Variants in SCRT1 observed in about 807,000 individuals in gnomAD.
SCRT1 encodes the protein transcriptional repressor scratch 1.
In SCRT1, 1 loss-of-function variant was observed where a neutral mutation model predicts 3.4. The ratio of observed to expected loss-of-function variants is 0.29; its 90% CI spans 0.10 to 1.39. The LOEUF (loss-of-function observed/expected upper bound fraction) is 1.39. Among genes scored for constraint, SCRT1 ranks in the 40% most tolerant of loss-of-function variants. The pLI is 0.42. For missense variants in SCRT1, 380 were observed against 526.3 expected, an observed-to-expected ratio of 0.72 and a Z score of 2.72; for synonymous variants, 238 against 247.0, an observed-to-expected ratio of 0.96 and a Z score of 0.34.
chr8:144,333,398 G>A lies in SCRT1; in HGVS notation c.834C>T (p.Cys278=). 2 of 1,606,396 alleles carry A rather than the reference G, an allele frequency of 1.2e-6. No homozygotes were observed. The highest frequency in any genetic ancestry group is 2.2e-5 in the East Asian group (1 of 44,670). The change falls in exon 2 of 2, where the codon TGC becomes TGT. Residue 278 remains cysteine (C), a synonymous_variant. Coordinates refer to ENST00000569446, the MANE Select transcript of SCRT1 (RefSeq NM_031309.6). ...RSHTGEKPFG[C]AHCGKAFADR... is the part of the protein sequence containing the mutation. Reference sequence around the variant, plus strand: ...CGGCGAAGGCCTTGCCGCAGTGCGCGCAGCCGAAGGGTTTCTCGCCGGTGT... The same window carrying A: ...CGGCGAAGGCCTTGCCGCAGTGCGCACAGCCGAAGGGTTTCTCGCCGGTGT...
rs1394418355 is a variant in SCRT1, at chr8:144,334,052, G to A, written c.180C>T (p.Leu60=). Residue 60 remains leucine (L), a synonymous_variant, in exon 2 of 2, where the codon CTC becomes CTT. Coordinates refer to ENST00000569446, the MANE Select transcript of SCRT1 (RefSeq NM_031309.6). Reference sequence around the variant, plus strand: ...ACATGGGCTCCGGCGACGGCCCTTTGAGCAGCGCAGCCTCGGCGTCGCCAT... The same window carrying A: ...ACATGGGCTCCGGCGACGGCCCTTTAAGCAGCGCAGCCTCGGCGTCGCCAT... ...VYDGDAEAAL[L]KGPSPEPMYA... 11 of 1,533,510 alleles carry A rather than the reference G, an allele frequency of 7.2e-6. No individual in the cohort carries two copies. The African/African-American group carries it at 1.4e-4, about 19-fold the overall frequency. 95.0% of individuals were successfully genotyped at this position (1,533,510 alleles called of 1,614,324 possible). A position where few individuals can be genotyped will look rare whatever the true frequency, so the allele number is the denominator to read the frequency against.
Position 144,333,027 on chromosome 8 carries a change from G to A in SCRT1, c.*158C>T, listed in dbSNP as rs1254378197. ...CCCTATTGCTTGAAGGGGCCGGCAAGGCCCCTGGCGGGCGGGGCGGGGTGG... is the reference window on the plus strand; with the variant it reads ...CCCTATTGCTTGAAGGGGCCGGCAAAGCCCCTGGCGGGCGGGGCGGGGTGG... On this transcript the variant is annotated 3_prime_UTR_variant, in exon 2 of 2. Transcript: ENST00000569446. 3.2e-6 allele frequency: 2 copies of A among 628,998 alleles called. No homozygotes were observed. The highest frequency in any genetic ancestry group is 3.9e-5 in the African/African-American group (2 of 51,162). 39.0% of individuals were successfully genotyped at this position (628,998 alleles called of 1,614,324 possible).
rs201631292 is a variant in SCRT1 at position 144,333,512 on chromosome 8, G to A, written c.720C>T (p.His240=). Reference sequence around the variant, plus strand: ...TGTGGCGCAGGTCGTGCGTGAGCAGGTGCATGGCCATGGCCGGCATGGACA... The same window carrying A: ...TGTGGCGCAGGTCGTGCGTGAGCAGATGCATGGCCATGGCCGGCATGGACA... ...VYVSMPAMAM[H]LLTHDLRHKC... Residue 240 remains histidine, a synonymous_variant, in exon 2 of 2, where the codon CAC becomes CAT. Transcript: ENST00000569446. 6 of 1,606,696 alleles carry A rather than the reference G, an allele frequency of 3.7e-6. No homozygotes were observed. In the Admixed American group the frequency reaches 8.4e-5, roughly 22 times the overall value.
rs1817782122 is a variant in SCRT1, at chr8:144,332,317, C to G, written c.*868G>C. The G allele has an allele frequency of 7.3e-6, 1 of 137,156 alleles. No individual in the cohort carries two copies. Among genetic ancestry groups the G allele is most frequent in the African/African-American group, 2.7e-5 (1 of 36,440 alleles). 8.5% of individuals were successfully genotyped at this position (137,156 alleles called of 1,614,324 possible). A position where few individuals can be genotyped will look rare whatever the true frequency, so the allele number is the denominator to read the frequency against. Reference sequence around the variant, plus strand: ...GGGGGCTTTACCCGCAAAGCGAAGACAGAGGTGTGTAGAGGGCAGCGCCCA... The same window carrying G: ...GGGGGCTTTACCCGCAAAGCGAAGAGAGAGGTGTGTAGAGGGCAGCGCCCA... On this transcript the variant is annotated 3_prime_UTR_variant, in exon 2 of 2. Coordinates refer to ENST00000569446, the MANE Select transcript of SCRT1 (RefSeq NM_031309.6).
Position 144,332,415 on chromosome 8 carries a change from C to T in SCRT1, c.*770G>A, listed in dbSNP as rs1817787816. 1 of 147,152 alleles carries T rather than the reference C, an allele frequency of 6.8e-6. No homozygotes were observed. The allele number at this position is 147,152 out of a possible 1,614,324, so 9.1% of individuals were successfully genotyped here. On this transcript the variant is annotated 3_prime_UTR_variant, in exon 2 of 2. Transcript: ENST00000569446. ...GGGTACGGGGGTGGGGGGTGGGGGCCCGGGGCAGGGCGGAAGCGGGGTCTG... is the reference window on the plus strand; with the variant it reads ...GGGTACGGGGGTGGGGGGTGGGGGCTCGGGGCAGGGCGGAAGCGGGGTCTG...
In SCRT1 at chr8:144,336,035, G is replaced by C; in HGVS notation, c.115+20C>G. On this transcript the variant is annotated intron_variant, in intron 1 of 1. Transcript: ENST00000569446. This position sits in a 1 kb window ranked among gnomAD's most constrained non-coding sequence, Gnocchi z 6.8. ...AGCAAAGCCCCAGGCCCCGCGCCCT[G>C]GTCTCAGACCAGCGCTCACCTTTAT... 3 of 1,534,498 alleles carry C rather than the reference G, an allele frequency of 2.0e-6. No individual in the cohort carries two copies. The highest frequency in any genetic ancestry group is 2.0e-5 in the Admixed American group (1 of 50,206).
Position 144,335,051 on chromosome 8 carries a change from C to T in SCRT1, c.116-935G>A, listed in dbSNP as rs939407651. Among the ~76,000 whole-genome samples, 2 of 152,212 alleles carry T rather than the reference C, an allele frequency of 1.3e-5. No individual in the cohort carries two copies. Among genetic ancestry groups the T allele is most frequent in the Non-Finnish European group, 2.9e-5 (2 of 68,044 alleles). ...ATAACCTCAAAGTCACAAATGCACGCCCCTCGCGACGCTCTGCCTCCTTCA... is the reference window on the plus strand; with the variant it reads ...ATAACCTCAAAGTCACAAATGCACGTCCCTCGCGACGCTCTGCCTCCTTCA... On this transcript the variant is annotated intron_variant, in intron 1 of 1. Transcript: ENST00000569446. This position sits in a 1 kb window ranked among gnomAD's most constrained non-coding sequence, Gnocchi z 7.7.
rs1554849569 is a variant in SCRT1, at chr8:144,332,014, A to G, written c.*1171T>C. On this transcript the variant is annotated 3_prime_UTR_variant, in exon 2 of 2. Transcript: ENST00000569446. ...CGAGGCTTTGGCATAGACGGGCGAA[A>G]GTTGGCAACCGAGTGGGGGCGGGGC... 8.5e-6 allele frequency: 1 copy of G among 117,512 alleles called. No homozygotes were observed. Among genetic ancestry groups the G allele is most frequent in the African/African-American group, 3.3e-5 (1 of 30,526 alleles). The allele number at this position is 117,512 out of a possible 1,614,324, so 7.3% of individuals were successfully genotyped here.
intron 1 of SCRT1, among the ~76,000 whole-genome samples, chr8:144,334,348 G>T (rs1817853758): frequency 6.6e-6 from 1 of 151,938 alleles, no homozygotes; most frequent in Non-Finnish European, 1.5e-5. Flanking sequence ...GCCGGGCCAC[G>T]CTCCGCCCCC....
rs1554850177 is a variant in SCRT1 at position 144,335,020 on chromosome 8, G to A, written c.116-904C>T. ...GCAGTTGCTCCCCAGGCACAAGATG[G>A]ATCTCATAACCTCAAAGTCACAAAT... On this transcript the variant is annotated intron_variant, in intron 1 of 1. Transcript: ENST00000569446. This position sits in a 1 kb window ranked among gnomAD's most constrained non-coding sequence, Gnocchi z 7.7. 6.6e-6 allele frequency among the ~76,000 whole-genome samples: 1 copy of A among 152,068 alleles called. No individual in the cohort carries two copies. Among genetic ancestry groups the A allele is most frequent in the African/African-American group, 2.4e-5 (1 of 41,390 alleles).
chr8:144,335,995 C>A lies in SCRT1; in HGVS notation c.115+60G>T. 1 of 1,227,134 alleles carries A rather than the reference C, an allele frequency of 8.1e-7. No homozygotes were observed. The highest frequency in any genetic ancestry group is 1.1e-6 in the Non-Finnish European group (1 of 890,298). The allele number at this position is 1,227,134 out of a possible 1,614,324, so 76.0% of individuals were successfully genotyped here. A position where few individuals can be genotyped will look rare whatever the true frequency, so the allele number is the denominator to read the frequency against. ...CCTGCCCTCCGCCCCCACACTCTGG[C>A]CCTCCACCGCTTCCAGCAAAGCCCC... On this transcript the variant is annotated intron_variant, in intron 1 of 1. Transcript: ENST00000569446. This position sits in a 1 kb window ranked among gnomAD's most constrained non-coding sequence, Gnocchi z 7.7.
At position 144,334,013 on chromosome 8, in the gene SCRT1, C is replaced by T; in HGVS notation, c.219G>A (p.Val73=). The T allele has an allele frequency of 1.3e-6, 2 of 1,489,418 alleles. No individual in the cohort carries two copies. Among genetic ancestry groups the T allele is most frequent in the South Asian group, 1.2e-5 (1 of 80,840 alleles). The allele number at this position is 1,489,418 out of a possible 1,614,324, so 92.3% of individuals were successfully genotyped here. ...CAGCCGCCGGACCCAGCTCTCCACG[C>T]ACAGCTGCTGCGTACATGGGCTCCG... is the stretch of plus-strand genomic sequence containing the variant. ...PSPEPMYAAA[V]RGELGPAAAG... Residue 73 remains valine (V), a synonymous_variant, in exon 2 of 2, where the codon GTG becomes GTA. Coordinates refer to ENST00000569446, the MANE Select transcript of SCRT1 (RefSeq NM_031309.6).
chr8:144,333,737 C>A lies in SCRT1; in HGVS notation c.495G>T (p.Gly165=). The A allele has an allele frequency of 1.8e-6, 2 of 1,115,538 alleles. No homozygotes were observed. The highest frequency in any genetic ancestry group is 2.2e-6 in the Non-Finnish European group (2 of 914,964). 69.1% of individuals were successfully genotyped at this position (1,115,538 alleles called of 1,614,324 possible). ...CCCCCGCGCGCGTGCCGCCCCGGCCCCCCGGCCCGGATCCCAAGCTGCGCC... is the reference window on the plus strand; with the variant it reads ...CCCCCGCGCGCGTGCCGCCCCGGCCACCCGGCCCGGATCCCAAGCTGCGCC... ...AGGRSLGSGP[G]GRGGTRAGAG... Residue 165 remains glycine (G), a synonymous_variant, in exon 2 of 2, where the codon GGG becomes GGT. Coordinates refer to ENST00000569446, the MANE Select transcript of SCRT1 (RefSeq NM_031309.6).
rs1396259930 is a variant in SCRT1, at chr8:144,331,864, G to C, written c.*1321C>G. 6.6e-6 allele frequency: 1 copy of C among 152,574 alleles called. No homozygotes were observed. The highest frequency in any genetic ancestry group is 2.4e-5 in the African/African-American group (1 of 41,450). 9.5% of individuals were successfully genotyped at this position (152,574 alleles called of 1,614,324 possible). Reference sequence around the variant, plus strand: ...GCATTATTGCTCTATAGTCGGCTTCGGACTACCTAAGAGGGAGGGGGAGCG... The same window carrying C: ...GCATTATTGCTCTATAGTCGGCTTCCGACTACCTAAGAGGGAGGGGGAGCG... On this transcript the variant is annotated 3_prime_UTR_variant, in exon 2 of 2. Coordinates refer to ENST00000569446, the MANE Select transcript of SCRT1 (RefSeq NM_031309.6).
At position 144,332,462 on chromosome 8, in the gene SCRT1, C is replaced by G. The variant is rs1554849690; in HGVS notation, c.*723G>C. ...TCTGAGGAGGTCGGATAAGTCCATG[C>G]GATTCGATATGTGTCATTATTATTC... On this transcript the variant is annotated 3_prime_UTR_variant, in exon 2 of 2. Coordinates refer to ENST00000569446, the MANE Select transcript of SCRT1 (RefSeq NM_031309.6). 6.6e-6 allele frequency: 1 copy of G among 152,068 alleles called. No homozygotes were observed. Among genetic ancestry groups the G allele is most frequent in the Admixed American group, 6.6e-5 (1 of 15,256 alleles). 9.4% of individuals were successfully genotyped at this position (152,068 alleles called of 1,614,324 possible).
Position 144,336,305 on chromosome 8 carries a change from C to T in SCRT1, c.-136G>A. The stretch of plus-strand genomic sequence containing the variant: ...ACTCTGGCCTTTGGATGCTGCCGCG[C>T]GAGTGGTGTCCTCTCTCCTTGCTGC... On this transcript the variant is annotated 5_prime_UTR_variant, in exon 1 of 2. Coordinates refer to ENST00000569446, the MANE Select transcript of SCRT1 (RefSeq NM_031309.6). The surrounding 1 kb of genome is among the most constrained non-coding windows in gnomAD (Gnocchi z 6.8). 1 of 607,296 alleles carries T rather than the reference C, an allele frequency of 1.6e-6. No individual in the cohort carries two copies. Among genetic ancestry groups the T allele is most frequent in the Non-Finnish European group, 2.9e-6 (1 of 346,904 alleles). The allele number at this position is 607,296 out of a possible 1,614,324, so 37.6% of individuals were successfully genotyped here.
chr8:144,333,821 G>A lies in SCRT1; in HGVS notation c.411C>T (p.Pro137=). ...CGGGGGCCGCCGCCGAGGCTGTGGA[G>A]GGAGCGGCGGCAGCGCCGGCATTGG... ...KASNAGAAAA[P]STASAAAPDG... Residue 137 remains proline, a synonymous_variant, in exon 2 of 2, where the codon CCC becomes CCT. Transcript: ENST00000569446. 8.1e-7 allele frequency: 1 copy of A among 1,227,688 alleles called. No individual in the cohort carries two copies. Among genetic ancestry groups the A allele is most frequent in the Non-Finnish European group, 1.0e-6 (1 of 985,276 alleles). 76.0% of individuals were successfully genotyped at this position (1,227,688 alleles called of 1,614,324 possible).
chr8:144,333,819 G>C lies in SCRT1; in HGVS notation c.413C>G (p.Ser138Cys). The C allele has an allele frequency of 2.4e-6, 3 of 1,227,236 alleles. No individual in the cohort carries two copies. Among genetic ancestry groups the C allele is most frequent in the Non-Finnish European group, 3.0e-6 (3 of 985,080 alleles). The allele number at this position is 1,227,236 out of a possible 1,614,324, so 76.0% of individuals were successfully genotyped here. The change falls in exon 2 of 2, where the codon TCC (serine) becomes TGC (cysteine). Residue 138 changes from serine (S) to cysteine (C), a missense_variant. Physicochemically the swap from Ser to Cys is moderately radical, Grantham distance 112. Transcript: ENST00000569446. The part of the protein sequence containing the change: ...ASNAGAAAAP[S>C]TASAAAPDGD... ...GTCGGGGGCCGCCGCCGAGGCTGTGGAGGGAGCGGCGGCAGCGCCGGCATT... is the reference window on the plus strand; with the variant it reads ...GTCGGGGGCCGCCGCCGAGGCTGTGCAGGGAGCGGCGGCAGCGCCGGCATT...
In SCRT1 at chr8:144,333,954, T is replaced by A; in HGVS notation, c.278A>T (p.Glu93Val). ...GTAGCCGCCCGCAGCGGTGGCCAGC[T>A]CCGGGCGCGGGGTGGGCGGCGGCGC... is the stretch of plus-strand genomic sequence containing the variant. Reference protein sequence around the residue: ...GSAPPPTPRPELATAAGGYIN... With the variant: ...GSAPPPTPRPVLATAAGGYIN... The change falls in exon 2 of 2, where the codon GAG becomes GTG. Residue 93 changes from glutamate to valine, a missense_variant. By Grantham distance (121) the Glu-to-Val change is moderately radical. Around this residue, in one of 5 missense-constraint regions of SCRT1, gnomAD observed 17 missense variants for 52.3 expected, o/e 0.33. Transcript: ENST00000569446. 1 of 1,355,766 alleles carries A rather than the reference T, an allele frequency of 7.4e-7. No individual in the cohort carries two copies. The highest frequency in any genetic ancestry group is 9.5e-7 in the Non-Finnish European group (1 of 1,057,024). 84.0% of individuals were successfully genotyped at this position (1,355,766 alleles called of 1,614,324 possible).
Sources: gnomAD v4.1 joint callset for allele counts (sites outside exome capture counted in the v4.1 genomes callset) on GRCh38, gnomAD v4.1.1 for gene constraint, gnomAD v4.1.1 regional missense constraint, Gnocchi (gnomAD v3.1) non-coding constraint, MANE v1.5 for transcripts, NCBI Gene and HGNC (gene_info 2026-07-23, HGNC 2026-07-21) for gene names.